Variants in VPS13A observed in about 807,000 individuals in gnomAD.
VPS13A encodes intermembrane lipid transfer protein VPS13A.
VPS13A carries 264 observed loss-of-function variants against 390.9 expected under a neutral mutation model. That is an observed-to-expected ratio of 0.68 (90% CI 0.61 to 0.75). The LOEUF (loss-of-function observed/expected upper bound fraction) is 0.75, where lower values mean the gene tolerates loss of function less well. Among genes scored for constraint, VPS13A ranks in the 30% least tolerant of loss-of-function variants. The pLI is 0.00. For synonymous variants in VPS13A, 1,231 were observed against 1,227.1 expected, an observed-to-expected ratio of 1.00 and a Z score of -0.07; for missense variants, 3,409 against 3,733.9, an observed-to-expected ratio of 0.91 and a Z score of 2.27.
Position 77,421,211 on chromosome 9 carries a change from C to T in VPS13A, c.*5205C>T, listed in dbSNP as rs531384464. ...ATGATAATTTTAAAAATATCTATTT[C>T]TGCATCGCTGCAGGATTTCCTACAC... On this transcript the variant is annotated 3_prime_UTR_variant, in exon 72 of 72. Coordinates refer to ENST00000360280, the MANE Select transcript of VPS13A (RefSeq NM_033305.3). 6.6e-6 allele frequency: 1 copy of T among 152,184 alleles called. No individual in the cohort carries two copies. The highest frequency in any genetic ancestry group is 2.4e-5 in the African/African-American group (1 of 41,436). 9.4% of individuals were successfully genotyped at this position (152,184 alleles called of 1,614,324 possible). A position where few individuals can be genotyped will look rare whatever the true frequency, so the allele number is the denominator to read the frequency against.
At chr9:77,260,689 T>TA (rs1825710236) in intron 23 of VPS13A, among the ~76,000 whole-genome samples, 2 of 152,028 alleles carry the variant, frequency 1.3e-5, no homozygotes, top group South Asian at 4.2e-4. Context: ...ATTGAAATGG[T>TA]AAAAAGTATA....
rs533054831 is a variant in VPS13A, at chr9:77,181,189, T to G, written c.100+3385T>G. ...TTCAAAAGTAGTAATTTGATAAATT[T>G]GGAGGATTTTTTAAAAACATTGTTT... On this transcript the variant is annotated intron_variant, in intron 1 of 71. Coordinates refer to ENST00000360280, the MANE Select transcript of VPS13A (RefSeq NM_033305.3). Among the ~76,000 whole-genome samples, 5 of 152,292 alleles carry G rather than the reference T, an allele frequency of 3.3e-5. No homozygotes were observed. In the South Asian group the frequency reaches 1.0e-3, roughly 32 times the overall value.
At chr9:77,413,019 A>G (rs917081629) in intron 71 of VPS13A, among the ~76,000 whole-genome samples, 1 of 152,176 alleles carries the variant, frequency 6.6e-6, no homozygotes, top group Non-Finnish European at 1.5e-5. Flanking sequence ...AACAAAATAC[A>G]TAGGAATCCA....
intron 19 of VPS13A, among the ~76,000 whole-genome samples, chr9:77,239,134 A>G (rs2131234052): frequency 6.6e-6 from 1 of 151,954 alleles, no homozygotes; most frequent in Non-Finnish European, 1.5e-5. Context: ...AAAATGCCTC[A>G]TTATCAATGT....
chr9:77,349,209 C>T (rs1430514718), intron 52 of VPS13A, among the ~76,000 whole-genome samples: 2 of 151,746 alleles, frequency 1.3e-5, no homozygotes, highest in African/African-American at 2.4e-5. Flanking sequence ...CCTTTGTTCT[C>T]TCCCTCCCTC....
intron 68 of VPS13A, among the ~76,000 whole-genome samples, chr9:77,402,250 GTTT>G (rs1432664713): frequency 6.6e-6 from 1 of 152,036 alleles, no homozygotes; most frequent in Non-Finnish European, 1.5e-5. Context: ...TGCTATTTTA[GTTT>G]TTTAACTTCT....
intron 52 of VPS13A, among the ~76,000 whole-genome samples, chr9:77,346,852 CA>C (rs1831184386): frequency 6.6e-6 from 1 of 152,198 alleles, no homozygotes; most frequent in Admixed American, 6.5e-5. Context: ...AGTGAAGAAC[CA>C]GCCTTGTCTG....
intron 19 of VPS13A, among the ~76,000 whole-genome samples, chr9:77,241,705 A>T (rs1329654985): frequency 6.6e-6 from 1 of 152,148 alleles, no homozygotes; most frequent in African/African-American, 2.4e-5. Flanking sequence ...TTTCGGGAAG[A>T]TTTATATTTC....
chr9:77,315,147 C>A, intron 37 of VPS13A, 106 bp from the exon 38 acceptor site: 2 of 1,035,680 alleles, frequency 1.9e-6, no homozygotes, highest in South Asian at 1.4e-5. Flanking sequence ...CTTCAGAATG[C>A]TTTTTTTTGT....
chr9:77,395,850 A>C (rs560496754), intron 68 of VPS13A: 4 of 152,322 alleles, frequency 2.6e-5, no homozygotes, highest in African/African-American at 9.6e-5. Flanking sequence ...TTAAAAAAGA[A>C]TCTTTTTTTC....
At chr9:77,283,275 T>C in intron 29 of VPS13A, 80 bp from the exon 30 acceptor site, 2 of 824,334 alleles carry the variant, frequency 2.4e-6, no homozygotes, top group South Asian at 3.1e-5. Context: ...TGTGGTGATA[T>C]TTCAGTTACT....
chr9:77,299,445 G>C (rs1032256641), intron 33 of VPS13A, among the ~76,000 whole-genome samples: 47 of 152,276 alleles, frequency 3.1e-4, no homozygotes, highest in South Asian at 6.2e-4. Context: ...AGAGGATGTG[G>C]AGAAATAGGA....
rs2131560612 is a variant in VPS13A at position 77,359,411 on chromosome 9, C to G, written c.8105+9C>G. On this transcript the variant is annotated intron_variant, in intron 58 of 71. Transcript: ENST00000360280. ...CAGATATCACGTATTAAGTAAGTGTCTTAATACATTTCTTGTATATTTATT... is the reference window on the plus strand; with the variant it reads ...CAGATATCACGTATTAAGTAAGTGTGTTAATACATTTCTTGTATATTTATT... The G allele has an allele frequency of 6.2e-7, 1 of 1,600,370 alleles. No homozygotes were observed. The highest frequency in any genetic ancestry group is 8.6e-7 in the Non-Finnish European group (1 of 1,168,710).
chr9:77,328,677 C>T (rs1830129356), intron 45 of VPS13A, among the ~76,000 whole-genome samples: 1 of 152,170 alleles, frequency 6.6e-6, no homozygotes, highest in Non-Finnish European at 1.5e-5. Flanking sequence ...GGTTTCTTCC[C>T]TTAAACCTCG....
rs1033090194 is a variant in VPS13A, at chr9:77,421,164, G to C, written c.*5158G>C. 2 of 152,084 alleles carry C rather than the reference G, an allele frequency of 1.3e-5. No individual in the cohort carries two copies. The highest frequency in any genetic ancestry group is 6.5e-5 in the Admixed American group (1 of 15,272). 9.4% of individuals were successfully genotyped at this position (152,084 alleles called of 1,614,324 possible). The stretch of plus-strand genomic sequence containing the variant: ...GCTTTGGAATGCTTATTCTTTCTTT[G>C]ATGAAAATACGGTCATTGATTATGA... On this transcript the variant is annotated 3_prime_UTR_variant, in exon 72 of 72. Transcript: ENST00000360280.
chr9:77,358,172 T>A (rs1224189388), intron 56 of VPS13A, among the ~76,000 whole-genome samples, 185 bp from the exon 57 acceptor site: 1 of 151,864 alleles, frequency 6.6e-6, no homozygotes, highest in East Asian at 1.9e-4. Flanking sequence ...GCCAGGCTGG[T>A]CTCAAACTCC....
intron 10 of VPS13A, among the ~76,000 whole-genome samples, chr9:77,215,488 G>A (rs1822808750): frequency 6.6e-6 from 1 of 152,102 alleles, no homozygotes; most frequent in South Asian, 2.1e-4. Context: ...TCGTAAATTC[G>A]ACTTATTTCT....
intron 1 of VPS13A, among the ~76,000 whole-genome samples, chr9:77,183,060 G>A (rs1824118433): frequency 6.6e-6 from 1 of 151,960 alleles, no homozygotes; most frequent in Non-Finnish European, 1.5e-5. Context: ...AATTCCTTAT[G>A]TATTATTTTT....
chr9:77,362,818 A>T (rs1832214680), intron 59 of VPS13A, among the ~76,000 whole-genome samples: 1 of 152,098 alleles, frequency 6.6e-6, no homozygotes, highest in Admixed American at 6.5e-5. Flanking sequence ...TCAGAGTGTA[A>T]GTTTTACACA....
Sources: gnomAD v4.1 joint callset for allele counts (sites outside exome capture counted in the v4.1 genomes callset) on GRCh38, gnomAD v4.1.1 for gene constraint, MANE v1.5 for transcripts, NCBI Gene and HGNC (gene_info 2026-07-23, HGNC 2026-07-21) for gene names.